The following CCDC7 variants were observed in gnomAD, a reference collection of about 807,000 sequenced individuals.
The protein encoded by CCDC7 is coiled-coil domain-containing protein 7.
CCDC7 carries 183 observed loss-of-function variants against 196.9 expected under a neutral mutation model. The observed-to-expected ratio is 0.93, with a 90% CI of 0.82 to 1.05. The LOEUF is 1.05. Ranked by LOEUF, CCDC7 falls within the 50% of genes least tolerant of loss-of-function variation. The pLI is 0.00. For synonymous variants in CCDC7, 525 were observed against 484.6 expected (o/e 1.08, Z -1.10); for missense variants, 1,540 against 1,482.2 (o/e 1.04, Z -0.64).
At chr10:32,507,561 C>T (rs1182422154) in intron 9 of CCDC7, among the ~76,000 whole-genome samples, 1 of 152,146 alleles carries the variant, frequency 6.6e-6, no homozygotes, top group Non-Finnish European at 1.5e-5. Flanking sequence ...AGCAATTCTC[C>T]TGCCTTAGCC....
At chr10:32,461,709 G>GTGTATA (rs1471520620) in intron 3 of CCDC7, among the ~76,000 whole-genome samples, 5 of 57,486 alleles carry the variant, frequency 8.7e-5, no homozygotes, top group Non-Finnish European at 1.6e-4. Flanking sequence ...GTGTGTGTGT[G>GTGTATA]TATATATATA....
intron 30 of CCDC7, among the ~76,000 whole-genome samples, chr10:32,808,572 C>T (rs1240223007): frequency 1.5e-5 from 2 of 136,278 alleles, no homozygotes; most frequent in African/African-American, 5.0e-5. Flanking sequence ...CCTGCTGGCA[C>T]CATGGCCAGC....
chr10:32,729,337 C>CG lies in CCDC7; in HGVS notation c.2785_2786insG (p.Pro929ArgfsTer12). ...ATCTATTTTTTTCTATTTAGCGTTTCCTTTAGAAATCAAAAAAAAGGATAT... is the reference window on the plus strand; with the variant it reads ...ATCTATTTTTTTCTATTTAGCGTTTCGCTTTAGAAATCAAAAAAAAGGATAT... On this transcript the variant is annotated frameshift_variant, in exon 28 of 42. Transcript: ENST00000639629. LOFTEE classifies it high-confidence loss of function. 1 of 1,558,484 alleles carries CG rather than the reference C, an allele frequency of 6.4e-7. No homozygotes were observed. Among genetic ancestry groups the CG allele is most frequent in the Non-Finnish European group, 8.7e-7 (1 of 1,153,940 alleles).
At chr10:32,561,332 A>G (rs1386400687) in intron 13 of CCDC7, among the ~76,000 whole-genome samples, 1 of 152,270 alleles carries the variant, frequency 6.6e-6, no homozygotes, top group Non-Finnish European at 1.5e-5. Flanking sequence ...TCCACCCCAA[A>G]TCAACAGGAT....
chr10:32,816,305 G>T (rs1248368402), intron 31 of CCDC7, among the ~76,000 whole-genome samples: 1 of 152,200 alleles, frequency 6.6e-6, no homozygotes, highest in Non-Finnish European at 1.5e-5. Context: ...GCCTGCGATT[G>T]CTGAGGCTTG....
chr10:32,732,870 T>C (rs1020308332), intron 28 of CCDC7, among the ~76,000 whole-genome samples: 3 of 152,110 alleles, frequency 2.0e-5, no homozygotes, highest in Non-Finnish European at 2.9e-5. Context: ...ACACAATTTT[T>C]CACCATTGTA....
At chr10:32,732,301 C>A (rs537415686) in intron 28 of CCDC7, among the ~76,000 whole-genome samples, 152 of 152,194 alleles carry the variant, frequency 1.0e-3, no homozygotes, top group African/African-American at 3.5e-3. Context: ...TAATTATAAT[C>A]ATTAAGAATA....
chr10:32,688,826 A>T (rs1055105147), intron 22 of CCDC7, among the ~76,000 whole-genome samples: 3 of 152,236 alleles, frequency 2.0e-5, no homozygotes, highest in Non-Finnish European at 1.5e-5. Context: ...AGAGACTAAG[A>T]TAAAACATAT....
Position 32,753,853 on chromosome 10 carries a change from A to G in CCDC7, c.2905+24396A>G, listed in dbSNP as rs546287285. ...AATTGATTGAAAAAATGACATTTAC[A>G]TGTTTTCTTAATTGTTTATTTTTTC... On this transcript the variant is annotated intron_variant, in intron 28 of 41. Coordinates refer to ENST00000639629, the Ensembl canonical transcript of CCDC7. Among the ~76,000 whole-genome samples the G allele has an allele frequency of 2.4e-4, 37 of 152,164 alleles. No individual in the cohort carries two copies. In the South Asian group the frequency reaches 5.0e-3, roughly 20 times the overall value.
chr10:32,587,764 A>T (rs1011574159), intron 18 of CCDC7, among the ~76,000 whole-genome samples: 1 of 152,020 alleles, frequency 6.6e-6, no homozygotes, highest in Non-Finnish European at 1.5e-5. Flanking sequence ...TTATTTTCTA[A>T]TTTCTCTGAC....
intron 29 of CCDC7, among the ~76,000 whole-genome samples, chr10:32,791,075 C>T (rs1341009419): frequency 6.6e-6 from 1 of 152,150 alleles, no homozygotes; most frequent in Non-Finnish European, 1.5e-5. Context: ...CAGCTACTAT[C>T]ACTGCCACAA....
chr10:32,673,580 A>G (rs556679707), intron 21 of CCDC7, among the ~76,000 whole-genome samples: 1 of 151,920 alleles, frequency 6.6e-6, no homozygotes, highest in African/African-American at 2.4e-5. Context: ...AGTATATTAA[A>G]ACAAAACCAA....
chr10:32,477,827 A>G (rs1285344949), intron 8 of CCDC7, among the ~76,000 whole-genome samples: 1 of 152,186 alleles, frequency 6.6e-6, no homozygotes. Context: ...CTCTGGGTCT[A>G]TTAAACTTTA....
At chr10:32,634,831 G>A (rs2065377191) in intron 19 of CCDC7, among the ~76,000 whole-genome samples, 1 of 152,218 alleles carries the variant, frequency 6.6e-6, no homozygotes, top group African/African-American at 2.4e-5. Context: ...TAAAGTGAAA[G>A]CTTTAATACC....
At chr10:32,739,654 G>GTT (rs58246332) in intron 28 of CCDC7, among the ~76,000 whole-genome samples, 19 of 143,200 alleles carry the variant, frequency 1.3e-4, no homozygotes, top group South Asian at 2.2e-4. Context: ...TTCAGACTAT[G>GTT]TTTTTTTTTT....
At chr10:32,511,252 TGTGGGGGGC>T in intron 9 of CCDC7, 1 of 637,448 alleles carries the variant, frequency 1.6e-6, no homozygotes, top group African/African-American at 4.3e-5. Context: ...AGAATTATTC[TGTGGGGGGC>T]GGGGGGGGCG....
upstream of CCDC7, among the ~76,000 whole-genome samples, chr10:32,448,821 A>T (rs1385543494): frequency 6.6e-6 from 1 of 152,058 alleles, no homozygotes; most frequent in Non-Finnish European, 1.5e-5. Context: ...CTAATTATTT[A>T]TATTTTTTTC....
chr10:32,689,197 T>C (rs760490570), intron 23 of CCDC7, 34 bp downstream of exon 24: 1 of 1,347,538 alleles, frequency 7.4e-7, no homozygotes, highest in Admixed American at 2.2e-5. Context: ...CTTTAAATTA[T>C]TTAAAAGTAA....
intron 30 of CCDC7, among the ~76,000 whole-genome samples, chr10:32,810,385 A>G (rs1438154099): frequency 6.6e-6 from 1 of 152,158 alleles, no homozygotes; most frequent in Admixed American, 6.5e-5. Flanking sequence ...TTTCAGATAA[A>G]ACAGACTTTA....
Sources: gnomAD v4.1 joint callset for allele counts (sites outside exome capture counted in the v4.1 genomes callset) on GRCh38, gnomAD v4.1.1 for gene constraint, MANE v1.5 for transcripts, NCBI Gene and HGNC (gene_info 2026-07-23, HGNC 2026-07-21) for gene names.